Variants in CLVS1 observed in about 807,000 individuals in gnomAD.
CLVS1 encodes clavesin-1.
In CLVS1, 10 loss-of-function variants were observed where a neutral mutation model predicts 33.1. The ratio of observed to expected loss-of-function variants is 0.30; its 90% CI spans 0.19 to 0.51. CLVS1 has a LOEUF of 0.51. Ranked by LOEUF, CLVS1 falls within the 20% of genes least tolerant of loss-of-function variation. The pLI is 0.97. For missense variants in CLVS1, 343 were observed against 433.4 expected (o/e 0.79, Z 1.85); for synonymous variants, 163 against 166.1 (o/e 0.98, Z 0.14).
chr8:61,163,714 C>A (rs1397866418), intron 2 of CLVS1, among the ~76,000 whole-genome samples: 1 of 152,158 alleles, frequency 6.6e-6, no homozygotes, highest in African/African-American at 2.4e-5. Flanking sequence ...TGGAACCCAG[C>A]AACTAGTGTT....
At position 61,116,650 on chromosome 8, in the gene CLVS1, T is replaced by C. The variant is rs1333459270; in HGVS notation, c.-242-15120T>C. Among the ~76,000 whole-genome samples the C allele has an allele frequency of 1.1e-4, 16 of 151,584 alleles. No individual in the cohort carries two copies. The East Asian group carries it at 3.1e-3, about 30-fold the overall frequency. On this transcript the variant is annotated intron_variant, in intron 1 of 2. Coordinates refer to the CLVS1 transcript ENST00000522621. ...GGAATCCTTTCCCCATTGCTTGTTTTTCTCAGGTTTGTCAAAGATCAGATA... is the reference window on the plus strand; with the variant it reads ...GGAATCCTTTCCCCATTGCTTGTTTCTCTCAGGTTTGTCAAAGATCAGATA...
chr8:61,394,621 C>A (rs1373204669), intron 3 of CLVS1, among the ~76,000 whole-genome samples: 5 of 152,122 alleles, frequency 3.3e-5, no homozygotes, highest in Non-Finnish European at 2.9e-5. Context: ...GGAAAGCCAG[C>A]GGTGACAGGC....
intron 5 of CLVS1, among the ~76,000 whole-genome samples, chr8:61,475,001 GT>G (rs1168599872): frequency 2.6e-5 from 4 of 152,110 alleles, no homozygotes; most frequent in Admixed American, 1.3e-4. Flanking sequence ...CTGTGTCCAT[GT>G]GTTCTCATTG....
intron 5 of CLVS1, among the ~76,000 whole-genome samples, chr8:61,473,733 G>T (rs555264075): frequency 8.1e-4 from 123 of 152,294 alleles, no homozygotes; most frequent in African/African-American, 2.9e-3. Context: ...ATGATCAAGT[G>T]GATATTGGGA....
intron 2 of CLVS1, among the ~76,000 whole-genome samples, chr8:61,302,970 T>C (rs1810489426): frequency 6.6e-6 from 1 of 152,134 alleles, no homozygotes; most frequent in African/African-American, 2.4e-5. Context: ...AGGGTGATGG[T>C]GCTTAACCTT....
intron 2 of CLVS1, among the ~76,000 whole-genome samples, chr8:61,271,862 T>G (rs1200623849): frequency 2.7e-5 from 4 of 150,930 alleles, no homozygotes; most frequent in African/African-American, 7.3e-5. Context: ...GTTTTCCATT[T>G]GCTTGGTAGA....
intron 3 of CLVS1, among the ~76,000 whole-genome samples, chr8:61,434,752 T>C (rs185165488): frequency 6.6e-6 from 1 of 152,198 alleles, no homozygotes; most frequent in Non-Finnish European, 1.5e-5. Flanking sequence ...ATCTCTCAGA[T>C]AGCAGACTTC....
At chr8:61,179,172 GA>G (rs1030357969) in intron 2 of CLVS1, among the ~76,000 whole-genome samples, 3 of 151,454 alleles carry the variant, frequency 2.0e-5, no homozygotes, top group African/African-American at 4.9e-5. Flanking sequence ...CAAATGGAAA[GA>G]AAAAAAAGCA....
intron 3 of CLVS1, among the ~76,000 whole-genome samples, chr8:61,446,731 T>C (rs1816769126): frequency 6.6e-6 from 1 of 152,166 alleles, no homozygotes; most frequent in Non-Finnish European, 1.5e-5. Flanking sequence ...AAGGAGTAAG[T>C]TTCAACATGA....
intron 3 of CLVS1, among the ~76,000 whole-genome samples, chr8:61,440,641 G>A (rs1198708250): frequency 6.6e-6 from 1 of 152,172 alleles, no homozygotes; most frequent in Non-Finnish European, 1.5e-5. Flanking sequence ...TGCTGATCTG[G>A]GCTAGTTTTG....
At chr8:61,241,321 C>T (rs934598453) in intron 2 of CLVS1, among the ~76,000 whole-genome samples, 5 of 151,932 alleles carry the variant, frequency 3.3e-5, no homozygotes, top group East Asian at 1.9e-4. Context: ...TTTTAATTCA[C>T]GAGATGAATT....
intron 2 of CLVS1, among the ~76,000 whole-genome samples, chr8:61,304,815 A>G (rs1810563393): frequency 6.6e-6 from 1 of 152,164 alleles, no homozygotes; most frequent in South Asian, 2.1e-4. Flanking sequence ...AGTTAAAAGG[A>G]AAAAAAGGTT....
chr8:61,376,201 T>A (rs1164226345), intron 2 of CLVS1, among the ~76,000 whole-genome samples: 1 of 152,182 alleles, frequency 6.6e-6, no homozygotes, highest in Admixed American at 6.5e-5. Flanking sequence ...TGTTCAGCAA[T>A]GATTCATTGT....
the CLVS1 span, among the ~76,000 whole-genome samples, chr8:61,018,254 GACTCC>G: frequency 1.2e-4 from 18 of 152,166 alleles, 1 homozygote; most frequent in Admixed American, 1.2e-3. Flanking sequence ...TCTTTTCTAT[GACTCC>G]AAATTTCGTG....
At chr8:61,247,302 G>T (rs1808834672) in intron 2 of CLVS1, among the ~76,000 whole-genome samples, 1 of 151,998 alleles carries the variant, frequency 6.6e-6, no homozygotes, top group African/African-American at 2.4e-5. Flanking sequence ...TATTCTTCTG[G>T]GTATATATCC....
chr8:61,405,514 C>A (rs771219327), intron 3 of CLVS1, among the ~76,000 whole-genome samples: 68 of 152,234 alleles, frequency 4.5e-4, no homozygotes, highest in Middle Eastern at 6.8e-3. Context: ...CAGCTCACAC[C>A]TGTAATCTCA....
chr8:61,477,460 A>G (rs1430459023), intron 5 of CLVS1, among the ~76,000 whole-genome samples: 1 of 152,180 alleles, frequency 6.6e-6, no homozygotes, highest in Non-Finnish European at 1.5e-5. Context: ...GCTATTAATT[A>G]TTGCCTCAAT....
At chr8:61,413,417 G>T (rs1457703965) in intron 3 of CLVS1, among the ~76,000 whole-genome samples, 1 of 152,174 alleles carries the variant, frequency 6.6e-6, no homozygotes, top group Admixed American at 6.5e-5. Flanking sequence ...ATGAGACATG[G>T]GGTTTTATTC....
chr8:61,082,970 G>A lies in CLVS1; in HGVS notation c.-243+25740G>A, dbSNP rs565908273. Among the ~76,000 whole-genome samples the A allele has an allele frequency of 2.0e-4, 27 of 132,594 alleles. No individual in the cohort carries two copies. The South Asian group carries it at 3.5e-3, about 17-fold the overall frequency. 87.0% of individuals were successfully genotyped at this position (132,594 alleles called of 152,430 possible). On this transcript the variant is annotated intron_variant, in intron 1 of 2. Coordinates refer to the CLVS1 transcript ENST00000522621. The stretch of plus-strand genomic sequence containing the variant: ...GATGCTTGAGCCTCTGGGCGACAGA[G>A]AAAGACCCTGTCTTAAACATAAAAA...
Sources: allele counts gnomAD v4.1 joint callset (sites outside exome capture counted in the v4.1 genomes callset), GRCh38; gene constraint gnomAD v4.1.1; transcripts MANE v1.5; gene names NCBI Gene and HGNC (gene_info 2026-07-23, HGNC 2026-07-21).